Variants in TBC1D12 observed in about 807,000 individuals in gnomAD.
The protein encoded by TBC1D12 is TBC1 domain family member 12.
TBC1D12 carries 56 observed loss-of-function variants against 86.7 expected under a neutral mutation model. That is an observed-to-expected ratio of 0.65 (90% confidence interval 0.52 to 0.81). TBC1D12 has a LOEUF of 0.81. TBC1D12 is among the 30% of genes least tolerant of loss of function. TBC1D12 has a pLI of 0.00. For synonymous variants in TBC1D12, 421 were observed against 411.7 expected (o/e 1.02, Z -0.27); for missense variants, 1,023 against 1,038.8 (o/e 0.98, Z 0.21).
At chr10:94,438,156 A>G (rs2055331825) in intron 1 of TBC1D12, among the ~76,000 whole-genome samples, 2 of 151,648 alleles carry the variant, frequency 1.3e-5, no homozygotes, top group South Asian at 4.2e-4. Flanking sequence ...GTTGTTGACA[A>G]CTGGATACTC....
intron 2 of TBC1D12, among the ~76,000 whole-genome samples, chr10:94,455,070 T>G (rs1217168680): frequency 6.6e-6 from 1 of 152,224 alleles, no homozygotes; most frequent in Non-Finnish European, 1.5e-5. Flanking sequence ...CCTAGTTTAC[T>G]GAGAGGTTTT....
At chr10:94,531,606 A>T in intron 12 of TBC1D12, 146 bp downstream of exon 12, 1 of 634,186 alleles carries the variant, frequency 1.6e-6, no homozygotes, top group Non-Finnish European at 2.3e-6. Flanking sequence ...GTTTAAATCA[A>T]ATTGCCCACT....
chr10:94,529,032 G>T (rs191874277), intron 11 of TBC1D12, among the ~76,000 whole-genome samples: 3 of 151,356 alleles, frequency 2.0e-5, no homozygotes, highest in Admixed American at 2.0e-4. Flanking sequence ...ATTTTTTTGA[G>T]ACAGGCTCCC....
intron 1 of TBC1D12, among the ~76,000 whole-genome samples, chr10:94,408,737 G>A (rs546747608): frequency 5.0e-4 from 76 of 152,084 alleles, no homozygotes; most frequent in African/African-American, 1.7e-3. Flanking sequence ...AATAAAAAAC[G>A]ACAGTTTCAA....
chr10:94,418,697 G>A (rs1453708308), intron 1 of TBC1D12, among the ~76,000 whole-genome samples: 5 of 151,486 alleles, frequency 3.3e-5, no homozygotes, highest in South Asian at 2.1e-4. Context: ...TCAGCCTCCC[G>A]AGTAGCTGGG....
At chr10:94,499,461 T>G (rs1328966685) in intron 5 of TBC1D12, among the ~76,000 whole-genome samples, 2 of 152,228 alleles carry the variant, frequency 1.3e-5, no homozygotes, top group East Asian at 3.8e-4. Flanking sequence ...ATCCTACAGG[T>G]TCATCTGTGT....
At chr10:94,527,616 C>A (rs922418636) in intron 11 of TBC1D12, among the ~76,000 whole-genome samples, 1 of 151,762 alleles carries the variant, frequency 6.6e-6, no homozygotes, top group African/African-American at 2.4e-5. Context: ...CTTCTGAGAC[C>A]TTACTAATAA....
chr10:94,438,139 A>AT (rs1236323821), intron 1 of TBC1D12, among the ~76,000 whole-genome samples: 1 of 149,972 alleles, frequency 6.7e-6, no homozygotes, highest in East Asian at 2.0e-4. Flanking sequence ...ATGTTTTGTA[A>AT]TTTTTTGTTG....
Position 94,402,790 on chromosome 10 carries a change from CGAG to C in TBC1D12, c.187_189del (p.Glu63del), listed in dbSNP as rs759076819. The stretch of plus-strand genomic sequence containing the variant: ...AGGCTGACGAGGAGGAGGAGGCTGA[CGAG>C]GAGGAGGAGACGCCGCCTCGGCAGC... On this transcript the variant is annotated inframe_deletion, in exon 1 of 13. Coordinates refer to ENST00000225235, the MANE Select transcript of TBC1D12 (RefSeq NM_015188.2). 18 of 1,539,450 alleles carry C rather than the reference CGAG, an allele frequency of 1.2e-5. No individual in the cohort carries two copies. The highest frequency in any genetic ancestry group is 4.0e-5 in the Admixed American group (2 of 50,566).
At chr10:94,454,463 G>A (rs1488556294) in intron 2 of TBC1D12, among the ~76,000 whole-genome samples, 3 of 152,094 alleles carry the variant, frequency 2.0e-5, no homozygotes, top group Admixed American at 6.5e-5. Flanking sequence ...CACCCGCCTC[G>A]GCCTCCCAAA....
At chr10:94,428,974 G>C (rs1432325667) in intron 1 of TBC1D12, among the ~76,000 whole-genome samples, 1 of 151,996 alleles carries the variant, frequency 6.6e-6, no homozygotes, top group Non-Finnish European at 1.5e-5. Flanking sequence ...CAAAGTGCTG[G>C]CATTACAGAC....
chr10:94,464,915 T>G (rs2055784084), intron 2 of TBC1D12, among the ~76,000 whole-genome samples: 1 of 152,246 alleles, frequency 6.6e-6, no homozygotes, highest in Non-Finnish European at 1.5e-5. Context: ...GAAGGCTGGA[T>G]TCTCATATCT....
chr10:94,477,038 T>A (rs2055999456), intron 3 of TBC1D12, among the ~76,000 whole-genome samples: 1 of 152,190 alleles, frequency 6.6e-6, no homozygotes, highest in African/African-American at 2.4e-5. Flanking sequence ...GTAGGTACAA[T>A]AACATTATGA....
chr10:94,415,093 T>C (rs1180076066), intron 1 of TBC1D12, among the ~76,000 whole-genome samples: 2 of 152,192 alleles, frequency 1.3e-5, no homozygotes. Context: ...AGGGTAAATC[T>C]AGCAAATGGA....
chr10:94,494,353 A>G (rs934896671), intron 4 of TBC1D12, among the ~76,000 whole-genome samples: 1 of 152,166 alleles, frequency 6.6e-6, no homozygotes, highest in Non-Finnish European at 1.5e-5. Context: ...ATGGACTGTT[A>G]TAATAGTATA....
chr10:94,445,746 G>A (rs1176796399), intron 2 of TBC1D12, among the ~76,000 whole-genome samples: 2 of 151,946 alleles, frequency 1.3e-5, no homozygotes, highest in African/African-American at 2.4e-5. Context: ...TCAGGAGTTC[G>A]AGACCCGTCT....
chr10:94,422,440 A>G (rs1267456872), intron 1 of TBC1D12, among the ~76,000 whole-genome samples: 1 of 152,086 alleles, frequency 6.6e-6, no homozygotes, highest in African/African-American at 2.4e-5. Flanking sequence ...TGCCTGCCTC[A>G]GCCTCCTAAA....
chr10:94,497,896 C>T lies in TBC1D12; in HGVS notation c.1412+724C>T, dbSNP rs545902988. ...AGAGTGCAGTGGCACAATCTCGGCT[C>T]ACTGCAAGCTCCGCCTCCCGGGTTC... On this transcript the variant is annotated intron_variant, in intron 5 of 12. Transcript: ENST00000225235. 4.7e-5 allele frequency among the ~76,000 whole-genome samples: 7 copies of T among 149,892 alleles called. No homozygotes were observed. In the South Asian group the frequency reaches 1.5e-3, roughly 32 times the overall value.
intron 1 of TBC1D12, among the ~76,000 whole-genome samples, chr10:94,434,497 C>T (rs1478008034): frequency 6.8e-6 from 1 of 146,836 alleles, no homozygotes; most frequent in Non-Finnish European, 1.5e-5. Flanking sequence ...CACAGCAAGA[C>T]TCCATTTAAA....
Sources: gnomAD v4.1 joint callset for allele counts (sites outside exome capture counted in the v4.1 genomes callset) on GRCh38, gnomAD v4.1.1 for gene constraint, MANE v1.5 for transcripts, NCBI Gene and HGNC (gene_info 2026-07-23, HGNC 2026-07-21) for gene names.